NCKAP5: variants seen among roughly 807,000 people sequenced by gnomAD.
The protein encoded by NCKAP5 is NCK associated protein 5, also known as nck-associated protein 5.
NCKAP5 carries 92 observed loss-of-function variants against 167.0 expected under a neutral mutation model. The ratio of observed to expected loss-of-function variants is 0.55; its 90% confidence interval spans 0.47 to 0.66. The LOEUF (loss-of-function observed/expected upper bound fraction) is 0.66. Among genes scored for constraint, NCKAP5 ranks in the 30% least tolerant of loss-of-function variants. The pLI is 0.00. For synonymous variants in NCKAP5, 891 were observed against 877.4 expected, an observed-to-expected ratio of 1.02 and a Z score of -0.27; for missense variants, 2,378 against 2,315.0, an observed-to-expected ratio of 1.03 and a Z score of -0.56.
chr2:132,893,286 C>T (rs1692872225), intron 8 of NCKAP5, among the ~76,000 whole-genome samples: 2 of 152,198 alleles, frequency 1.3e-5, no homozygotes, highest in Admixed American at 1.3e-4. Context: ...GCTTCTGACC[C>T]AGCAACGCCA....
At chr2:132,766,270 T>A (rs1681475267) in intron 16 of NCKAP5, among the ~76,000 whole-genome samples, 1 of 117,866 alleles carries the variant, frequency 8.5e-6, no homozygotes, top group Admixed American at 9.8e-5. Flanking sequence ...AACAGTGAGA[T>A]TCTGTCTCAA....
Position 132,857,957 on chromosome 2 carries a change from G to C in NCKAP5, c.807+2535C>G, listed in dbSNP as rs72991402. Among the ~76,000 whole-genome samples, 1,144 of 152,098 alleles carry C rather than the reference G, an allele frequency of 7.5e-3. 18 individuals carry two copies. Among genetic ancestry groups the C allele is most frequent in the African/African-American group, 0.026 (1,081 of 41,480 alleles). ...CTGTATTTTTAAGGGACAAAGAATT[G>C]GCTGTTTCTTATAAGTTATTTTCCT... is the stretch of plus-strand genomic sequence containing the variant. On this transcript the variant is annotated intron_variant, in intron 11 of 19. Transcript: ENST00000409261.
intron 8 of NCKAP5, among the ~76,000 whole-genome samples, chr2:132,952,423 G>A (rs2076215156): frequency 6.6e-6 from 1 of 151,976 alleles, no homozygotes; most frequent in African/African-American, 2.4e-5. Flanking sequence ...ACCTAAATCT[G>A]GCCCTGGCAA....
chr2:132,846,498 T>C (rs145688176), intron 11 of NCKAP5, among the ~76,000 whole-genome samples: 40 of 152,038 alleles, frequency 2.6e-4, no homozygotes, highest in Non-Finnish European at 4.7e-4. Flanking sequence ...AGAGATGGGG[T>C]CTTGCGATGT....
intron 3 of NCKAP5, among the ~76,000 whole-genome samples, chr2:133,470,873 C>T (rs186357435): frequency 3.9e-4 from 60 of 152,360 alleles, no homozygotes; most frequent in African/African-American, 9.9e-4. Context: ...CTTTGGCTTG[C>T]GCATGGTGCG....
intron 2 of NCKAP5, chr2:133,556,627 A>G (rs1362737269): frequency 6.6e-6 from 1 of 152,218 alleles, no homozygotes; most frequent in Non-Finnish European, 1.5e-5. Context: ...TGGAGATTGA[A>G]TTTACATAGG....
intron 2 of NCKAP5, among the ~76,000 whole-genome samples, chr2:133,542,854 T>C (rs1349636460): frequency 1.3e-5 from 2 of 152,212 alleles, no homozygotes; most frequent in Non-Finnish European, 2.9e-5. Context: ...AAGGTGGTGA[T>C]ATAAAATCAC....
chr2:133,665,418 GGAGA>G, the NCKAP5 span, among the ~76,000 whole-genome samples: 1 of 152,146 alleles, frequency 6.6e-6, no homozygotes, highest in Non-Finnish European at 1.5e-5. Flanking sequence ...CCAAGGATAG[GGAGA>G]GAGATGGGAG....
At chr2:133,087,309 A>C (rs900323845) in intron 6 of NCKAP5, among the ~76,000 whole-genome samples, 1 of 152,236 alleles carries the variant, frequency 6.6e-6, no homozygotes, top group Non-Finnish European at 1.5e-5. Context: ...ATCCAATGAC[A>C]AAGTAACGCA....
At chr2:133,441,119 CACAG>C (rs1015472512) in intron 3 of NCKAP5, among the ~76,000 whole-genome samples, 1 of 147,318 alleles carries the variant, frequency 6.8e-6, no homozygotes, top group Non-Finnish European at 1.5e-5. Context: ...CACACACACA[CACAG>C]AGCAGCAGCA....
chr2:133,516,372 G>A (rs1360962083), intron 3 of NCKAP5, among the ~76,000 whole-genome samples: 1 of 152,112 alleles, frequency 6.6e-6, no homozygotes, highest in Non-Finnish European at 1.5e-5. Flanking sequence ...ACGGAGAGGA[G>A]AACCTGAAAT....
chr2:132,767,744 T>A (rs770657675), intron 16 of NCKAP5, among the ~76,000 whole-genome samples: 3 of 152,224 alleles, frequency 2.0e-5, no homozygotes, highest in Non-Finnish European at 4.4e-5. Flanking sequence ...GTTTATGGTG[T>A]TAAGTTACTC....
intron 19 of NCKAP5, among the ~76,000 whole-genome samples, chr2:132,689,315 G>A (rs1686417571): frequency 6.6e-6 from 1 of 152,194 alleles, no homozygotes; most frequent in African/African-American, 2.4e-5. Flanking sequence ...GTACTCACTA[G>A]TAAGAGTAAC....
chr2:132,924,153 G>A (rs926661841), intron 8 of NCKAP5, among the ~76,000 whole-genome samples: 1 of 152,194 alleles, frequency 6.6e-6, no homozygotes, highest in Non-Finnish European at 1.5e-5. Flanking sequence ...GGCTTTTACA[G>A]TCCTGAAAAT....
At chr2:133,283,883 T>C (rs541958366) in intron 4 of NCKAP5, among the ~76,000 whole-genome samples, 3 of 152,298 alleles carry the variant, frequency 2.0e-5, no homozygotes, top group East Asian at 1.9e-4. Context: ...AGTGCTACGA[T>C]TACAGGCGTG....
intron 5 of NCKAP5, among the ~76,000 whole-genome samples, chr2:133,157,058 A>G (rs2083601676): frequency 6.6e-6 from 1 of 152,190 alleles, no homozygotes; most frequent in Non-Finnish European, 1.5e-5. Flanking sequence ...ATCTCTCAGA[A>G]CCTAGCTCCT....
chr2:132,801,710 G>A (rs774573194), intron 11 of NCKAP5, among the ~76,000 whole-genome samples: 6 of 152,174 alleles, frequency 3.9e-5, no homozygotes, highest in Non-Finnish European at 5.9e-5. Context: ...ACATTGGGTC[G>A]GTAATATTTG....
intron 5 of NCKAP5, among the ~76,000 whole-genome samples, chr2:133,202,738 C>G (rs1262906640): frequency 6.6e-6 from 1 of 152,136 alleles, no homozygotes; most frequent in African/African-American, 2.4e-5. Flanking sequence ...AGGAGATCAA[C>G]AAACACTTCT....
rs995145008 is a variant in NCKAP5 at position 133,264,136 on chromosome 2, G to A, written c.143+38901C>T. On this transcript the variant is annotated intron_variant, in intron 4 of 19. Coordinates refer to ENST00000409261, the MANE Select transcript of NCKAP5 (RefSeq NM_207363.3). The stretch of plus-strand genomic sequence containing the variant: ...ACCCTTCTGGTAATATACATGTTAC[G>A]TGCATTTCACTTATCTTCTCCAAGT... Among the ~76,000 whole-genome samples the A allele has an allele frequency of 4.6e-5, 7 of 152,282 alleles. No homozygotes were observed. The South Asian group carries it at 6.2e-4, about 14-fold the overall frequency.
Sources: allele counts gnomAD v4.1 joint callset (sites outside exome capture counted in the v4.1 genomes callset), GRCh38; gene constraint gnomAD v4.1.1; transcripts MANE v1.5; gene names NCBI Gene and HGNC (gene_info 2026-07-23, HGNC 2026-07-21).